Variants in TP53INP1 observed in about 807,000 individuals in gnomAD.
The protein encoded by TP53INP1 is tumor protein p53-inducible nuclear protein 1.
A neutral mutation model predicts 21.0 loss-of-function variants in TP53INP1; 12 were observed. The observed-to-expected ratio is 0.57, with a 90% confidence interval of 0.37 to 0.93. The LOEUF (loss-of-function observed/expected upper bound fraction) is 0.93, where lower values mean the gene tolerates loss of function less well. Among genes scored for constraint, TP53INP1 ranks in the 40% least tolerant of loss-of-function variants. The pLI, the probability that TP53INP1 is intolerant of heterozygous loss-of-function variation, is 0.01. For synonymous variants in TP53INP1, 91 were observed against 94.8 expected (o/e 0.96, Z 0.23); for missense variants, 274 against 294.7 (o/e 0.93, Z 0.51).
At chr8:94,935,128 T>TATAGATAGATATAGATAGATAG (rs1554630989) in intron 3 of TP53INP1, among the ~76,000 whole-genome samples, 2 of 144,640 alleles carry the variant, frequency 1.4e-5, no homozygotes, top group African/African-American at 5.2e-5. Context: ...GGTAGATAGA[T>TATAGATAGATATAGATAGATAG]ATAGATAGAT....
chr8:94,943,295 C>T (rs923872701), intron 1 of TP53INP1, among the ~76,000 whole-genome samples: 3 of 152,078 alleles, frequency 2.0e-5, no homozygotes, highest in Non-Finnish European at 4.4e-5. Flanking sequence ...TGGAGACCAG[C>T]CTAGGCAACA....
intron 1 of TP53INP1, among the ~76,000 whole-genome samples, chr8:94,941,418 AAC>A (rs1821518710): frequency 6.6e-6 from 1 of 152,192 alleles, no homozygotes; most frequent in African/African-American, 2.4e-5. Context: ...TCTAGATAGT[AAC>A]AGTCTTGCTA....
At chr8:94,943,454 T>C (rs1055930638) in intron 1 of TP53INP1, among the ~76,000 whole-genome samples, 6 of 152,154 alleles carry the variant, frequency 3.9e-5, no homozygotes, top group Admixed American at 3.9e-4. Context: ...GCCACTGTAC[T>C]CCAGTGTGAG....
chr8:94,935,431 C>A (rs2131340433), intron 3 of TP53INP1, among the ~76,000 whole-genome samples: 1 of 152,296 alleles, frequency 6.6e-6, no homozygotes, highest in African/African-American at 2.4e-5. Flanking sequence ...TAGCTATATT[C>A]TCTGGACAAA....
intron 1 of TP53INP1, among the ~76,000 whole-genome samples, chr8:94,948,268 G>A (rs939045027): frequency 1.6e-4 from 24 of 152,302 alleles, no homozygotes; most frequent in Non-Finnish European, 2.9e-4. Context: ...GTGTGGCCTT[G>A]AGCAACTTAA....
In TP53INP1 at chr8:94,929,482, A is replaced by G. The variant is rs1158369038; in HGVS notation, c.*997T>C. 1 of 145,908 alleles carries G rather than the reference A, an allele frequency of 6.9e-6. No homozygotes were observed. Among genetic ancestry groups the G allele is most frequent in the African/African-American group, 2.6e-5 (1 of 38,786 alleles). 9.0% of individuals were successfully genotyped at this position (145,908 alleles called of 1,614,324 possible). On this transcript the variant is annotated 3_prime_UTR_variant, in exon 4 of 4. Coordinates refer to ENST00000342697, the MANE Select transcript of TP53INP1 (RefSeq NM_033285.4). ...TCTTCACTCAGATGCCATGAAAGACATCATCACCAGACAGTCCCCACACTC... is the reference window on the plus strand; with the variant it reads ...TCTTCACTCAGATGCCATGAAAGACGTCATCACCAGACAGTCCCCACACTC...
rs572116815 is a variant in TP53INP1 at position 94,927,211 on chromosome 8, GAAT to G, written c.*3265_*3267del. 7 of 152,616 alleles carry G rather than the reference GAAT, an allele frequency of 4.6e-5. 1 individual carries two copies. In the South Asian group the frequency reaches 1.5e-3, roughly 32 times the overall value. 9.5% of individuals were successfully genotyped at this position (152,616 alleles called of 1,614,324 possible). A position where few individuals can be genotyped will look rare whatever the true frequency, so the allele number is the denominator to read the frequency against. ...TTTGTTTCCAACTCAGAGAAAATGA[GAAT>G]AATGAAGATACTCTTCCTTGCTCGT... On this transcript the variant is annotated 3_prime_UTR_variant, in exon 4 of 4. Transcript: ENST00000342697.
In TP53INP1 at chr8:94,940,180, C is replaced by CT. The variant is rs749928676; in HGVS notation, c.152dup (p.Glu52GlyfsTer5). ...TAGGTGACTCTTCACTGATGTCCTC[C>CT]TCTTCTTCTTCTTCTTCTGCTGAGA... On this transcript the variant is annotated frameshift_variant, in exon 3 of 4. Transcript: ENST00000342697. LOFTEE classifies it high-confidence loss of function. 6.2e-7 allele frequency: 1 copy of CT among 1,609,300 alleles called. No individual in the cohort carries two copies. Among genetic ancestry groups the CT allele is most frequent in the East Asian group, 2.2e-5 (1 of 44,860 alleles).
Position 94,940,816 on chromosome 8 carries a change from C to G in TP53INP1, c.112+14G>C. The G allele has an allele frequency of 6.3e-7, 1 of 1,590,258 alleles. No individual in the cohort carries two copies. Among genetic ancestry groups the G allele is most frequent in the Non-Finnish European group, 8.6e-7 (1 of 1,162,500 alleles). ...CTGTGAAGATGAACCACCAAGTAACCAAGTGTACCTTACCTATGAAGTCAA... is the reference window on the plus strand; with the variant it reads ...CTGTGAAGATGAACCACCAAGTAACGAAGTGTACCTTACCTATGAAGTCAA... On this transcript the variant is annotated intron_variant, in intron 2 of 3. Transcript: ENST00000342697.
Position 94,929,600 on chromosome 8 carries a change from T to C in TP53INP1, c.*879A>G, listed in dbSNP as rs74937413. 1.3e-5 allele frequency: 2 copies of C among 152,272 alleles called. No homozygotes were observed. Among genetic ancestry groups the C allele is most frequent in the African/African-American group, 2.4e-5 (1 of 41,558 alleles). 9.4% of individuals were successfully genotyped at this position (152,272 alleles called of 1,614,324 possible). A position where few individuals can be genotyped will look rare whatever the true frequency, so the allele number is the denominator to read the frequency against. On this transcript the variant is annotated 3_prime_UTR_variant, in exon 4 of 4. Transcript: ENST00000342697. ...CTTTTCCCATGGGCAGAGAGAAATA[T>C]GAAGTCACTTGAGTGCCTGGACAAG...
chr8:94,930,392 AAG>A lies in TP53INP1; in HGVS notation c.*85_*86del. Reference sequence around the variant, plus strand: ...TGTGATTGGTTATCAATTGGTTGTAAAGAGACAACATTTTCACTGTACATATA... The same window carrying A: ...TGTGATTGGTTATCAATTGGTTGTAAAGACAACATTTTCACTGTACATATA... On this transcript the variant is annotated 3_prime_UTR_variant, in exon 4 of 4. Coordinates refer to ENST00000342697, the MANE Select transcript of TP53INP1 (RefSeq NM_033285.4). 6.5e-7 allele frequency: 1 copy of A among 1,542,428 alleles called. No homozygotes were observed. Among genetic ancestry groups the A allele is most frequent in the East Asian group, 2.3e-5 (1 of 44,226 alleles).
At chr8:94,938,550 C>T (rs1484746057) in intron 3 of TP53INP1, among the ~76,000 whole-genome samples, 1 of 152,220 alleles carries the variant, frequency 6.6e-6, no homozygotes, top group Admixed American at 6.5e-5. Flanking sequence ...TTTAGCCCCA[C>T]CCCTCAAACT....
chr8:94,931,263 G>T (rs892808672), intron 3 of TP53INP1, among the ~76,000 whole-genome samples: 33 of 152,044 alleles, frequency 2.2e-4, no homozygotes, highest in Admixed American at 1.0e-3. Flanking sequence ...TTTGCATATG[G>T]AAATTCTACT....
chr8:94,931,494 A>C (rs563822215), intron 3 of TP53INP1, among the ~76,000 whole-genome samples: 1 of 152,292 alleles, frequency 6.6e-6, no homozygotes, highest in African/African-American at 2.4e-5. Context: ...AACACGTAAC[A>C]TGAAGAGCTG....
chr8:94,944,558 A>G (rs1198051317), intron 1 of TP53INP1, among the ~76,000 whole-genome samples: 1 of 152,196 alleles, frequency 6.6e-6, no homozygotes, highest in African/African-American at 2.4e-5. Flanking sequence ...GATGTCCCAT[A>G]TCTCTGCAAG....
Position 94,931,611 on chromosome 8 carries a change from T to C in TP53INP1, c.474-883A>G, listed in dbSNP as rs58251489. On this transcript the variant is annotated intron_variant, in intron 3 of 3. Transcript: ENST00000342697. ...TTACACACACACACACACACACACA[T>C]AAAATTTTTTTAAAGTAGAATTTTA... Among the ~76,000 whole-genome samples, 454 of 137,150 alleles carry C rather than the reference T, an allele frequency of 3.3e-3. 3 individuals are homozygous for C. Among genetic ancestry groups the C allele is most frequent in the African/African-American group, 0.012 (383 of 32,428 alleles). The allele number at this position is 137,150 out of a possible 152,430, so 90.0% of individuals were successfully genotyped here.
intron 3 of TP53INP1, among the ~76,000 whole-genome samples, chr8:94,937,266 C>T (rs1305419761): frequency 1.3e-5 from 2 of 151,964 alleles, no homozygotes; most frequent in Non-Finnish European, 2.9e-5. Flanking sequence ...TATGGTGAAA[C>T]CCCCTTTCTA....
At chr8:94,938,504 T>C (rs1176011263) in intron 3 of TP53INP1, among the ~76,000 whole-genome samples, 1 of 152,260 alleles carries the variant, frequency 6.6e-6, no homozygotes, top group African/African-American at 2.4e-5. Flanking sequence ...CAGGATGGGA[T>C]GTGGTCACTA....
Position 94,930,150 on chromosome 8 carries a change from A to T in TP53INP1, c.*329T>A. 1 of 246,000 alleles carries T rather than the reference A, an allele frequency of 4.1e-6. No individual in the cohort carries two copies. Among genetic ancestry groups the T allele is most frequent in the Non-Finnish European group, 7.9e-6 (1 of 126,990 alleles). 15.2% of individuals were successfully genotyped at this position (246,000 alleles called of 1,614,324 possible). Reference sequence around the variant, plus strand: ...AATAAAATGAAAATGAAAGATGCCTATTCTCGTACTTGGGAAGAAATGTCT... The same window carrying T: ...AATAAAATGAAAATGAAAGATGCCTTTTCTCGTACTTGGGAAGAAATGTCT... On this transcript the variant is annotated 3_prime_UTR_variant, in exon 4 of 4. Transcript: ENST00000342697.
Sources: allele counts gnomAD v4.1 joint callset (sites outside exome capture counted in the v4.1 genomes callset), GRCh38; gene constraint gnomAD v4.1.1; transcripts MANE v1.5; gene names NCBI Gene and HGNC (gene_info 2026-07-23, HGNC 2026-07-21).